The following CTIF variants were observed in gnomAD, a reference collection of about 807,000 sequenced individuals.
The protein encoded by CTIF is cap binding complex dependent translation initiation factor.
In CTIF, 21 loss-of-function variants were observed where a neutral mutation model predicts 66.0. The observed-to-expected ratio is 0.32, with a 90% CI of 0.23 to 0.46. CTIF has a LOEUF of 0.46. CTIF is among the 20% of genes least tolerant of loss of function. CTIF has a pLI of 1.00. For missense variants in CTIF, 739 were observed against 812.7 expected, an observed-to-expected ratio of 0.91 and a Z score of 1.10; for synonymous variants, 345 against 326.4, an observed-to-expected ratio of 1.06 and a Z score of -0.62.
chr18:48,644,492 C>T (rs964018265), intron 3 of CTIF, among the ~76,000 whole-genome samples: 4 of 152,226 alleles, frequency 2.6e-5, no homozygotes, highest in South Asian at 2.1e-4. Flanking sequence ...TGCTCACCAG[C>T]GTGTATGTCT....
chr18:48,603,068 T>C (rs2090125614), intron 1 of CTIF, among the ~76,000 whole-genome samples: 1 of 145,040 alleles, frequency 6.9e-6, no homozygotes, highest in Admixed American at 6.8e-5. Flanking sequence ...TAAGAATGGG[T>C]GGATGGATGG....
At chr18:48,657,922 C>T (rs972272022) in intron 3 of CTIF, among the ~76,000 whole-genome samples, 2 of 152,134 alleles carry the variant, frequency 1.3e-5, no homozygotes, top group African/African-American at 4.8e-5. Flanking sequence ...GCTTGACAGC[C>T]ACCTCTCTGT....
At chr18:48,597,749 G>T (rs1278952191) in intron 1 of CTIF, among the ~76,000 whole-genome samples, 1 of 152,210 alleles carries the variant, frequency 6.6e-6, no homozygotes, top group East Asian at 1.9e-4. Context: ...CCAGCCTCAG[G>T]TATTCCTTTA....
intron 9 of CTIF, among the ~76,000 whole-genome samples, chr18:48,762,600 C>G (rs55900690): frequency 6.6e-6 from 1 of 152,168 alleles, no homozygotes; most frequent in Non-Finnish European, 1.5e-5. Flanking sequence ...AAGTGAGTTT[C>G]TGGTCCAGAT....
At chr18:48,824,215 A>G (rs1431092229) in intron 10 of CTIF, among the ~76,000 whole-genome samples, 1 of 152,238 alleles carries the variant, frequency 6.6e-6, no homozygotes, top group East Asian at 1.9e-4. Flanking sequence ...ATATTATTTT[A>G]AGACATGAAA....
intron 7 of CTIF, among the ~76,000 whole-genome samples, chr18:48,730,652 G>A (rs1287564381): frequency 7.5e-6 from 1 of 132,990 alleles, no homozygotes; most frequent in Admixed American, 7.4e-5. Flanking sequence ...TGGTGTGAGG[G>A]GCTTCTGCGG....
chr18:48,744,962 A>G (rs961089206), intron 7 of CTIF, among the ~76,000 whole-genome samples: 6 of 152,072 alleles, frequency 3.9e-5, no homozygotes, highest in Admixed American at 2.6e-4. Context: ...AGCTGGGACT[A>G]TAGGTGCACA....
chr18:48,670,492 C>G (rs1012745748), intron 5 of CTIF, 177 bp from the exon 6 acceptor site: 7 of 557,644 alleles, frequency 1.3e-5, no homozygotes, highest in African/African-American at 7.6e-5. Context: ...AGGACCCCCC[C>G]CCCACACACA....
chr18:48,718,572 A>G (rs2092303369), intron 7 of CTIF, among the ~76,000 whole-genome samples: 1 of 152,190 alleles, frequency 6.6e-6, no homozygotes. Context: ...TCGCCACTCA[A>G]GAAGAGGGAG....
intron 6 of CTIF, among the ~76,000 whole-genome samples, chr18:48,676,914 A>G (rs2091639502): frequency 6.6e-6 from 1 of 151,926 alleles, no homozygotes; most frequent in Non-Finnish European, 1.5e-5. Context: ...TCACTCCTGG[A>G]GGAGTGAAAA....
chr18:48,670,485 ACC>A (rs3830253), intron 5 of CTIF, 182 bp from the exon 6 acceptor site: 1,950 of 511,348 alleles, frequency 3.8e-3, no homozygotes, highest in East Asian at 7.3e-3. Flanking sequence ...TTACGGGAGG[ACC>A]CCCCCCCCAC....
intron 1 of CTIF, among the ~76,000 whole-genome samples, chr18:48,582,914 G>C (rs575635688): frequency 6.6e-6 from 1 of 152,310 alleles, no homozygotes; most frequent in African/African-American, 2.4e-5. Context: ...ATGCTCCTGG[G>C]CACTCTTCCT....
intron 10 of CTIF, among the ~76,000 whole-genome samples, chr18:48,851,089 G>A (rs777112549): frequency 2.6e-5 from 4 of 152,242 alleles, no homozygotes; most frequent in African/African-American, 9.6e-5. Flanking sequence ...AGGTTGGAAG[G>A]GGGGGCTCTA....
chr18:48,781,522 T>C (rs1437209137), intron 9 of CTIF, among the ~76,000 whole-genome samples: 1 of 152,124 alleles, frequency 6.6e-6, no homozygotes, highest in Non-Finnish European at 1.5e-5. Flanking sequence ...TCTGTGTATC[T>C]GCATGCGTCT....
chr18:48,733,699 G>T (rs935052940), intron 7 of CTIF, among the ~76,000 whole-genome samples: 13 of 152,220 alleles, frequency 8.5e-5, no homozygotes, highest in Admixed American at 7.2e-4. Context: ...CCCACCTAGG[G>T]TTTTCATTTG....
chr18:48,830,196 G>C (rs1020670864), intron 10 of CTIF, among the ~76,000 whole-genome samples: 1 of 152,132 alleles, frequency 6.6e-6, no homozygotes, highest in Non-Finnish European at 1.5e-5. Context: ...ACAGTGTCTC[G>C]CTCTGTCACC....
rs372435055 is a variant in CTIF, at chr18:48,794,892, T to G, written c.1372-22329T>G. On this transcript the variant is annotated intron_variant, in intron 9 of 11. Transcript: ENST00000256413. ...ACAAGCATCTGTGGAGGGAGGGATGTGTGTGTGGATGCATGGGTGATCGGT... is the reference window on the plus strand; with the variant it reads ...ACAAGCATCTGTGGAGGGAGGGATGGGTGTGTGGATGCATGGGTGATCGGT... Among the ~76,000 whole-genome samples the G allele has an allele frequency of 9.2e-5, 14 of 151,962 alleles. No individual in the cohort carries two copies. The East Asian group carries it at 2.5e-3, about 27-fold the overall frequency.
At chr18:48,545,752 G>T (rs1007658649) in intron 1 of CTIF, among the ~76,000 whole-genome samples, 1 of 152,200 alleles carries the variant, frequency 6.6e-6, no homozygotes, top group African/African-American at 2.4e-5. Context: ...GGCTGCAGAA[G>T]TGTGTGCCCA....
Position 48,862,418 on chromosome 18 carries a change from A to G in CTIF, c.*2859A>G, listed in dbSNP as rs1166047108. The G allele has an allele frequency of 6.6e-6, 1 of 152,618 alleles. No individual in the cohort carries two copies. The highest frequency in any genetic ancestry group is 2.4e-5 in the African/African-American group (1 of 41,436). 9.5% of individuals were successfully genotyped at this position (152,618 alleles called of 1,614,324 possible). A position where few individuals can be genotyped will look rare whatever the true frequency, so the allele number is the denominator to read the frequency against. On this transcript the variant is annotated 3_prime_UTR_variant, in exon 12 of 12. Transcript: ENST00000256413. Reference sequence around the variant, plus strand: ...TTTTCTCCGAGGCGGCCTGCTTGCCACAGCCCTGCTCCCCAAGGCCTGGTG... The same window carrying G: ...TTTTCTCCGAGGCGGCCTGCTTGCCGCAGCCCTGCTCCCCAAGGCCTGGTG...
Sources: gnomAD v4.1 joint callset for allele counts (sites outside exome capture counted in the v4.1 genomes callset) on GRCh38, gnomAD v4.1.1 for gene constraint, MANE v1.5 for transcripts, NCBI Gene and HGNC (gene_info 2026-07-23, HGNC 2026-07-21) for gene names.